The following ZNF404 variants were observed in gnomAD, a reference collection of about 807,000 sequenced individuals.
ZNF404 encodes the protein zinc finger protein 404.
In ZNF404, 7 loss-of-function variants were observed where a neutral mutation model predicts 7.3. The ratio of observed to expected loss-of-function variants is 0.95; its 90% CI spans 0.54 to 1.79. ZNF404 has a LOEUF of 1.79. ZNF404 is among the 40% of genes most tolerant of loss of function. The probability of loss-of-function intolerance (pLI) is 0.00; values close to 1 mark genes in which losing one functional copy is unlikely to be tolerated. For missense variants in ZNF404, 560 were observed against 661.5 expected, an observed-to-expected ratio of 0.85 and a Z score of 1.68; for synonymous variants, 191 against 209.9, an observed-to-expected ratio of 0.91 and a Z score of 0.78.
intron 2 of ZNF404, among the ~76,000 whole-genome samples, chr19:43,875,796 G>T (rs944646609): frequency 6.6e-6 from 1 of 152,090 alleles, no homozygotes; most frequent in South Asian, 2.1e-4. Context: ...ATATCAAACA[G>T]CCAAAACACT....
rs373962641 is a variant in ZNF404, at chr19:43,880,119, G to T, written c.27C>A (p.Ser9Arg). The change falls in exon 2 of 3, where the codon AGC (serine) becomes AGA (arginine). Residue 9 changes from serine to arginine, a missense_variant. Physicochemically the swap from Ser to Arg is moderately radical, Grantham distance 110. Transcript: ENST00000587539. Reference sequence around the variant, plus strand: ...CCTGAGAGAAGTCTATGGCAACATCGCTGAATGTCAATGGCACCTGAAATG... The same window carrying T: ...CCTGAGAGAAGTCTATGGCAACATCTCTGAATGTCAATGGCACCTGAAATG... MARVPLTF[S>R]DVAIDFSQEE... The T allele has an allele frequency of 3.1e-6, 5 of 1,611,438 alleles. No individual in the cohort carries two copies. The South Asian group carries it at 5.5e-5, about 18-fold the overall frequency.
At chr19:43,879,875 A>AT in intron 2 of ZNF404, 135 bp downstream of exon 2, 2 of 1,128,244 alleles carry the variant, frequency 1.8e-6, no homozygotes, top group Non-Finnish European at 2.6e-6. Context: ...AAATATGCCC[A>AT]TTTCCACCTA....
chr19:43,879,779 CA>C (rs1215384832), intron 2 of ZNF404, among the ~76,000 whole-genome samples: 3 of 152,098 alleles, frequency 2.0e-5, no homozygotes, highest in Non-Finnish European at 2.9e-5. Context: ...AATTATAGGA[CA>C]GGGCAGAGGC....
chr19:43,881,471 T>G (rs1437258523), intron 1 of ZNF404, among the ~76,000 whole-genome samples: 1 of 151,934 alleles, frequency 6.6e-6, no homozygotes, highest in Non-Finnish European at 1.5e-5. Context: ...ATACTGAATA[T>G]CAAATGAAAA....
At position 43,872,916 on chromosome 19, in the gene ZNF404, T is replaced by C. The variant is rs1971822164; in HGVS notation, c.1298A>G (p.His433Arg). 6.2e-7 allele frequency: 1 copy of C among 1,608,042 alleles called. No homozygotes were observed. The highest frequency in any genetic ancestry group is 1.1e-5 in the South Asian group (1 of 90,362). Residue 433 changes from histidine to arginine, a missense_variant, in exon 3 of 3, where the codon CAT (histidine) becomes CGT (arginine). Physicochemically the swap from His to Arg is conservative, Grantham distance 29. Transcript: ENST00000587539. The surrounding 1 kb of genome is among the most constrained non-coding windows in gnomAD (Gnocchi z 4.4). ...VGDLKTHQSI[H>R]AGEKPYECKE... Reference sequence around the variant, plus strand: ...ACATTCATAGGGTTTCTCCCCAGCATGAATTGATTGATGTGTCTTAAGGTC... The same window carrying C: ...ACATTCATAGGGTTTCTCCCCAGCACGAATTGATTGATGTGTCTTAAGGTC...
intron 1 of ZNF404, among the ~76,000 whole-genome samples, chr19:43,882,751 A>G (rs1391892187): frequency 6.6e-6 from 1 of 151,378 alleles, no homozygotes; most frequent in Non-Finnish European, 1.5e-5. Flanking sequence ...TGATAACAAA[A>G]CTGCACTCCA....
At chr19:43,880,570 G>A (rs546889014) in intron 1 of ZNF404, among the ~76,000 whole-genome samples, 17 of 152,104 alleles carry the variant, frequency 1.1e-4, no homozygotes, top group East Asian at 3.9e-4. Flanking sequence ...CAGCCAACAC[G>A]GAATAACAGG....
At position 43,872,661 on chromosome 19, in the gene ZNF404, GT is replaced by G. The variant is rs1568435595; in HGVS notation, c.1552del (p.Thr518LeufsTer3). 6.2e-7 allele frequency: 1 copy of G among 1,613,108 alleles called. No individual in the cohort carries two copies. The stretch of plus-strand genomic sequence containing the variant: ...TTTGCATTTCTGTGGTTTCACACCA[GT>G]ATGAATTGTCTCATGTTGAGTAAGT... ...DRLTQHETIHTGVKPQKCKEC... is the reference protein window; with the variant it reads ...DRLTQHETIHXGVKPQKCKEC... On this transcript the variant is annotated frameshift_variant, in exon 3 of 3. Transcript: ENST00000587539. LOFTEE classifies it low-confidence loss of function (END_TRUNC). The surrounding 1 kb of genome is among the most constrained non-coding windows in gnomAD (Gnocchi z 4.4).
intron 2 of ZNF404, among the ~76,000 whole-genome samples, chr19:43,879,211 G>T (rs1392824852): frequency 6.6e-6 from 1 of 152,014 alleles, no homozygotes; most frequent in Non-Finnish European, 1.5e-5. Flanking sequence ...TTATAAAAGA[G>T]AATTAAATTG....
At chr19:43,881,657 A>G (rs950364101) in intron 1 of ZNF404, 1 of 152,202 alleles carries the variant, frequency 6.6e-6, no homozygotes, top group African/African-American at 2.4e-5. Context: ...ACAAAATCTC[A>G]GTCAAAATCC....
At chr19:43,881,590 T>C (rs1971895075) in intron 1 of ZNF404, 2 of 152,072 alleles carry the variant, frequency 1.3e-5, no homozygotes, top group Non-Finnish European at 2.9e-5. Context: ...AATAGAAAGC[T>C]ATAATATGTT....
intron 1 of ZNF404, among the ~76,000 whole-genome samples, chr19:43,883,703 T>C (rs544937100): frequency 3.9e-5 from 6 of 152,292 alleles, no homozygotes; most frequent in Admixed American, 2.6e-4. Context: ...ACTCTTTCAC[T>C]GCTCTAACAC....
intron 2 of ZNF404, among the ~76,000 whole-genome samples, chr19:43,874,341 C>A (rs1047059813): frequency 6.6e-6 from 1 of 151,970 alleles, no homozygotes; most frequent in African/African-American, 2.4e-5. Context: ...TCAGAATTAC[C>A]ATAGGAGCAT....
chr19:43,876,860 C>G (rs1018930660), intron 2 of ZNF404, among the ~76,000 whole-genome samples: 2 of 152,108 alleles, frequency 1.3e-5, no homozygotes, highest in African/African-American at 2.4e-5. Flanking sequence ...TCAACAAACC[C>G]AAATTGTCCG....
rs751996193 is a variant in ZNF404 at position 43,883,945 on chromosome 19, C to T, written c.9+11G>A. ...CAATAAGTCAGAAAAGCAAAAGAGA[C>T]ATCAACTCACCCGGGCCATGGTTTC... On this transcript the variant is annotated intron_variant, in intron 1 of 2. Coordinates refer to ENST00000587539, the MANE Select transcript of ZNF404 (RefSeq NM_001033719.3). The T allele has an allele frequency of 2.5e-6, 4 of 1,599,012 alleles. No individual in the cohort carries two copies. The highest frequency in any genetic ancestry group is 1.1e-5 in the South Asian group (1 of 91,016).
chr19:43,872,510 G>C lies in ZNF404; in HGVS notation c.*45C>G. The C allele has an allele frequency of 6.9e-7, 1 of 1,447,204 alleles. No individual in the cohort carries two copies. Among genetic ancestry groups the C allele is most frequent in the South Asian group, 1.4e-5 (1 of 70,466 alleles). 89.6% of individuals were successfully genotyped at this position (1,447,204 alleles called of 1,614,324 possible). A position where few individuals can be genotyped will look rare whatever the true frequency, so the allele number is the denominator to read the frequency against. On this transcript the variant is annotated 3_prime_UTR_variant, in exon 3 of 3. Coordinates refer to ENST00000587539, the MANE Select transcript of ZNF404 (RefSeq NM_001033719.3). This position sits in a 1 kb window ranked among gnomAD's most constrained non-coding sequence, Gnocchi z 4.4. ...TAATCTTCACTATAGCATCATAATA[G>C]TGACAACAGTAAAAATGTGCCATGG...
intron 2 of ZNF404, among the ~76,000 whole-genome samples, chr19:43,874,578 TA>T (rs1971838836): frequency 6.6e-6 from 1 of 152,172 alleles, no homozygotes; most frequent in African/African-American, 2.4e-5. Context: ...CCCTATATTG[TA>T]CCACATTGCA....
chr19:43,882,820 G>C (rs1295991230), intron 1 of ZNF404, among the ~76,000 whole-genome samples: 1 of 151,698 alleles, frequency 6.6e-6, no homozygotes, highest in South Asian at 2.1e-4. Context: ...TTAAAAAGAG[G>C]CTGGGCATTG....
chr19:43,879,514 G>GC (rs1225516771), intron 2 of ZNF404, among the ~76,000 whole-genome samples: 1 of 152,064 alleles, frequency 6.6e-6, no homozygotes, highest in Non-Finnish European at 1.5e-5. Context: ...ATCACTGGAA[G>GC]CCAACAGGCC....
Sources: allele counts gnomAD v4.1 joint callset (sites outside exome capture counted in the v4.1 genomes callset), GRCh38; gene constraint gnomAD v4.1.1; non-coding constraint Gnocchi (gnomAD v3.1); transcripts MANE v1.5; gene names NCBI Gene and HGNC (gene_info 2026-07-23, HGNC 2026-07-21).